Variants in ACACB observed in about 807,000 individuals in gnomAD.
ACACB encodes acetyl-CoA carboxylase 2.
ACACB carries 209 observed loss-of-function variants against 278.8 expected under a neutral mutation model. The ratio of observed to expected loss-of-function variants is 0.75; its 90% CI spans 0.67 to 0.84. The LOEUF is 0.84. Ranked by LOEUF, ACACB falls within the 40% of genes least tolerant of loss-of-function variation. The pLI is 0.00. For missense variants in ACACB, 2,850 were observed against 3,269.0 expected, an observed-to-expected ratio of 0.87 and a Z score of 3.13; for synonymous variants, 1,174 against 1,285.6, an observed-to-expected ratio of 0.91 and a Z score of 1.86.
intron 49 of ACACB, chr12:109,263,933 T>C: frequency 3.3e-6 from 1 of 304,746 alleles, no homozygotes; most frequent in Non-Finnish European, 6.1e-6. Flanking sequence ...TGTTGAATGC[T>C]GTCTTGCAAT....
intron 1 of ACACB, among the ~76,000 whole-genome samples, chr12:109,131,941 T>A (rs2042839837): frequency 6.6e-6 from 1 of 152,174 alleles, no homozygotes; most frequent in South Asian, 2.1e-4. Context: ...TGCATGTCGA[T>A]CTGCGGCTGT....
intron 2 of ACACB, among the ~76,000 whole-genome samples, chr12:109,160,637 C>T (rs2043693941): frequency 6.6e-6 from 1 of 152,206 alleles, no homozygotes; most frequent in Admixed American, 6.5e-5. Flanking sequence ...TGGACAATGG[C>T]ACTTAGGATG....
At chr12:109,256,296 A>T (rs2047223057) in intron 45 of ACACB, 60 bp downstream of exon 45, 1 of 1,415,358 alleles carries the variant, frequency 7.1e-7, no homozygotes, top group African/African-American at 1.4e-5. Context: ...TGGGGCCCCG[A>T]GGTGTGAGGC....
chr12:109,235,769 A>C (rs1360725577), intron 33 of ACACB, 122 bp downstream of exon 33: 1 of 868,466 alleles, frequency 1.2e-6, no homozygotes, highest in Non-Finnish European at 1.8e-6. Flanking sequence ...AGGCTGAGGC[A>C]GGAGGTTTGC....
intron 37 of ACACB, among the ~76,000 whole-genome samples, chr12:109,243,334 C>T (rs2046852003): frequency 6.6e-6 from 1 of 152,158 alleles, no homozygotes; most frequent in Admixed American, 6.5e-5. Context: ...CACAGTGGCT[C>T]ACGCCTGTAA....
rs576853530 is a variant in ACACB at position 109,126,865 on chromosome 12, G to T, written c.-10+10161G>T. On this transcript the variant is annotated intron_variant, in intron 1 of 52. Transcript: ENST00000338432. ...GAGTAATTTCCTGGCTGAGGGAGAA[G>T]CTGAAATGTACAGGCTTCTCTTAAA... is the stretch of plus-strand genomic sequence containing the variant. Among the ~76,000 whole-genome samples the T allele has an allele frequency of 9.1e-4, 138 of 152,282 alleles. 1 individual carries two copies. Among genetic ancestry groups the T allele is most frequent in the African/African-American group, 3.2e-3 (134 of 41,560 alleles).
chr12:109,243,869 G>C (rs1400684318), intron 37 of ACACB, among the ~76,000 whole-genome samples: 1 of 142,706 alleles, frequency 7.0e-6, no homozygotes, highest in East Asian at 2.1e-4. Context: ...GATTGCTTTG[G>C]AATGACATTA....
chr12:109,112,054 C>G (rs1337915760), upstream of ACACB, among the ~76,000 whole-genome samples: 1 of 151,938 alleles, frequency 6.6e-6, no homozygotes, highest in Non-Finnish European at 1.5e-5. Context: ...TTTCACACTT[C>G]TCTCTCTCCC....
intron 2 of ACACB, among the ~76,000 whole-genome samples, chr12:109,165,438 C>G (rs1400674298): frequency 1.3e-5 from 2 of 152,088 alleles, no homozygotes; most frequent in African/African-American, 4.8e-5. Flanking sequence ...GTCCTCCTGC[C>G]TTGGCCTCCC....
At chr12:109,188,901 C>A (rs1475144438) in intron 13 of ACACB, among the ~76,000 whole-genome samples, 2 of 152,122 alleles carry the variant, frequency 1.3e-5, no homozygotes. Flanking sequence ...ATCAGTAGTT[C>A]CCTAATGGGT....
Position 109,188,224 on chromosome 12 carries a change from T to G in ACACB, c.2144+62T>G, listed in dbSNP as rs1455353374. 2.8e-6 allele frequency: 4 copies of G among 1,439,472 alleles called. No homozygotes were observed. The African/African-American group carries it at 5.8e-5, about 21-fold the overall frequency. The allele number at this position is 1,439,472 out of a possible 1,614,324, so 89.2% of individuals were successfully genotyped here. On this transcript the variant is annotated intron_variant, in intron 13 of 52. Coordinates refer to ENST00000338432, the MANE Select transcript of ACACB (RefSeq NM_001093.4). ...TTCCTTCCTTCCTTCCTTCCTTCCT[T>G]CCTTCCTTCCCTCTCTCCCTTCTTC...
Position 109,264,442 on chromosome 12 carries a change from A to G in ACACB, c.6942+56A>G, listed in dbSNP as rs368499198. On this transcript the variant is annotated intron_variant, in intron 50 of 52. Transcript: ENST00000338432. The stretch of plus-strand genomic sequence containing the variant: ...AAGAGCCCACCCTGTTTTCCAAAAC[A>G]TGGAGGACATTTGGGCTCGGGGGCG... 3.0e-5 allele frequency: 35 copies of G among 1,185,524 alleles called. 1 individual carries two copies. The South Asian group carries it at 3.7e-4, about 13-fold the overall frequency. The allele number at this position is 1,185,524 out of a possible 1,614,324, so 73.4% of individuals were successfully genotyped here.
chr12:109,192,068 C>T (rs1380976662), intron 15 of ACACB, 118 bp downstream of exon 15: 2 of 1,052,918 alleles, frequency 1.9e-6, no homozygotes, highest in Non-Finnish European at 2.8e-6. Flanking sequence ...TGAGTCTCTC[C>T]TCCGGTCTTG....
intron 5 of ACACB, among the ~76,000 whole-genome samples, 177 bp downstream of exon 5, chr12:109,172,091 TA>T (rs1403649104): frequency 6.6e-6 from 1 of 152,122 alleles, no homozygotes; most frequent in Non-Finnish European, 1.5e-5. Context: ...ATTCTGTTTT[TA>T]AAAAAAAATT....
At position 109,266,303 on chromosome 12, in the gene ACACB, G is replaced by C. The variant is rs2047516545; in HGVS notation, c.7318G>C (p.Ala2440Pro). Residue 2440 changes from alanine to proline, a missense_variant, in exon 53 of 53, where the codon GCT becomes CCT. Around this residue, in one of 3 missense-constraint regions of ACACB, gnomAD observed 579 missense variants for 684.6 expected, o/e 0.85. Transcript: ENST00000338432. ...VIYLSQHISP[A>P]ERAQVVHLLS... ...ATACCTGAGCCAGCACATCAGCCCA[G>C]CTGAGCGGGCGCAGGTCGTTCACCT... The C allele has an allele frequency of 1.2e-6, 2 of 1,613,646 alleles. No homozygotes were observed. Among genetic ancestry groups the C allele is most frequent in the Admixed American group, 3.3e-5 (2 of 59,988 alleles).
At chr12:109,248,034 A>G (rs2046995265) in intron 40 of ACACB, among the ~76,000 whole-genome samples, 1 of 152,188 alleles carries the variant, frequency 6.6e-6, no homozygotes, top group Non-Finnish European at 1.5e-5. Context: ...CTGGGAAGGT[A>G]TGGGTGGGGC....
At chr12:109,162,588 A>G (rs1248026393) in intron 2 of ACACB, among the ~76,000 whole-genome samples, 1 of 152,050 alleles carries the variant, frequency 6.6e-6, no homozygotes, top group African/African-American at 2.4e-5. Context: ...GGGAGAGGGG[A>G]TCGACAGGCA....
chr12:109,247,718 AG>A lies in ACACB; in HGVS notation c.5669+17del, dbSNP rs770387183. 1 of 1,593,562 alleles carries A rather than the reference AG, an allele frequency of 6.3e-7. No individual in the cohort carries two copies. Among genetic ancestry groups the A allele is most frequent in the South Asian group, 1.1e-5 (1 of 89,906 alleles). ...GGAGAGTCCAGGTAAATAACTTATCAGGTAGCTCCTTAATTTTGCTCATGGT... is the reference window on the plus strand; with the variant it reads ...GGAGAGTCCAGGTAAATAACTTATCAGTAGCTCCTTAATTTTGCTCATGGT... On this transcript the variant is annotated intron_variant, in intron 40 of 52. Transcript: ENST00000338432.
chr12:109,206,628 C>A, intron 19 of ACACB, 82 bp from the exon 20 acceptor site: 1 of 1,519,564 alleles, frequency 6.6e-7, no homozygotes, highest in Non-Finnish European at 9.0e-7. Flanking sequence ...GCCGGCAGAT[C>A]TGTCCTGCCT....
Sources: gnomAD v4.1 joint callset for allele counts (sites outside exome capture counted in the v4.1 genomes callset) on GRCh38, gnomAD v4.1.1 for gene constraint, gnomAD v4.1.1 regional missense constraint, MANE v1.5 for transcripts, NCBI Gene and HGNC (gene_info 2026-07-23, HGNC 2026-07-21) for gene names.